TSHR: variants seen among roughly 807,000 people sequenced by gnomAD.
The protein encoded by TSHR is thyrotropin receptor.
In TSHR, 51 loss-of-function variants were observed where a neutral mutation model predicts 64.1. That is an observed-to-expected ratio of 0.80 (90% confidence interval 0.64 to 1.01). The LOEUF (loss-of-function observed/expected upper bound fraction) is 1.01, where lower values mean the gene tolerates loss of function less well. Ranked by LOEUF, TSHR falls within the 50% of genes least tolerant of loss-of-function variation. TSHR has a pLI of 0.00. For synonymous variants in TSHR, 361 were observed against 361.9 expected, an observed-to-expected ratio of 1.00 and a Z score of 0.03; for missense variants, 877 against 942.8, an observed-to-expected ratio of 0.93 and a Z score of 0.91.
chr14:81,060,184 T>C (rs146122437), intron 1 of TSHR, among the ~76,000 whole-genome samples: 3 of 152,304 alleles, frequency 2.0e-5, no homozygotes, highest in African/African-American at 4.8e-5. Flanking sequence ...ACCGTAAGTA[T>C]GCCCACAAAA....
At position 81,116,860 on chromosome 14, in the gene TSHR, A is replaced by G. The variant is rs1198767337; in HGVS notation, c.692+8408A>G. ...TCAGACCACAGTGCAATCAAACTAG[A>G]ACTCAGGATTAAGAATCTCACTCAA... On this transcript the variant is annotated intron_variant, in intron 8 of 9. Transcript: ENST00000298171. Among the ~76,000 whole-genome samples the G allele has an allele frequency of 8.0e-5, 12 of 149,760 alleles. No homozygotes were observed. The East Asian group carries it at 2.4e-3, about 30-fold the overall frequency.
chr14:80,982,677 C>T, intron 1 of TSHR: 3 of 1,061,324 alleles, frequency 2.8e-6, no homozygotes, highest in Non-Finnish European at 3.9e-6. Flanking sequence ...GTAACTCCAG[C>T]AGTATTCGGA....
intron 9 of TSHR, among the ~76,000 whole-genome samples, chr14:81,142,479 A>C (rs76145339): frequency 6.6e-6 from 1 of 152,128 alleles, no homozygotes; most frequent in East Asian, 1.9e-4. Context: ...GGGAGGTCAT[A>C]GGAATGATGT....
chr14:81,037,249 A>G (rs1365602849), intron 1 of TSHR, among the ~76,000 whole-genome samples: 1 of 152,006 alleles, frequency 6.6e-6, no homozygotes, highest in Non-Finnish European at 1.5e-5. Context: ...TAAATTGCCT[A>G]TTATAACTAC....
chr14:81,073,465 A>G (rs1887266975), intron 3 of TSHR, among the ~76,000 whole-genome samples: 1 of 152,176 alleles, frequency 6.6e-6, no homozygotes, highest in African/African-American at 2.4e-5. Flanking sequence ...AAAATTGACC[A>G]CATGTGGGGC....
intron 3 of TSHR, among the ~76,000 whole-genome samples, chr14:81,080,324 C>T (rs117689712): frequency 6.6e-6 from 1 of 152,078 alleles, no homozygotes; most frequent in Non-Finnish European, 1.5e-5. Context: ...TGACTTATGC[C>T]TTATAGTACA....
intron 7 of TSHR, chr14:81,104,782 G>A: frequency 1.0e-6 from 1 of 985,358 alleles, no homozygotes; most frequent in Non-Finnish European, 1.2e-6. Flanking sequence ...TCAGGGCAGG[G>A]CTTCTTAACT....
chr14:81,008,203 C>G (rs1336098499), intron 1 of TSHR, among the ~76,000 whole-genome samples: 1 of 148,714 alleles, frequency 6.7e-6, no homozygotes, highest in Non-Finnish European at 1.5e-5. Flanking sequence ...GATGGAGTCT[C>G]GCTCTGTCAC....
At chr14:81,050,064 T>C (rs986043994) in intron 1 of TSHR, 12 of 152,112 alleles carry the variant, frequency 7.9e-5, no homozygotes, top group Admixed American at 5.2e-4. Flanking sequence ...TAGAAACAAA[T>C]GAAATCAAGT....
At chr14:81,063,219 C>T (rs779248528) in intron 2 of TSHR, among the ~76,000 whole-genome samples, 1 of 151,940 alleles carries the variant, frequency 6.6e-6, no homozygotes, top group Non-Finnish European at 1.5e-5. Flanking sequence ...CTTGATATTG[C>T]TCTCTCATTC....
At chr14:81,008,426 C>A (rs1019683407) in intron 1 of TSHR, among the ~76,000 whole-genome samples, 1 of 152,098 alleles carries the variant, frequency 6.6e-6, no homozygotes, top group African/African-American at 2.4e-5. Context: ...CCCACCTTGG[C>A]CTCCCAAAGT....
chr14:81,109,088 C>A, intron 8 of TSHR: 2 of 818,008 alleles, frequency 2.4e-6, no homozygotes, highest in Non-Finnish European at 3.2e-6. Context: ...AGAATCTCAT[C>A]ATTGAGCATC....
At chr14:81,087,620 C>T (rs2139967253) in intron 3 of TSHR, 1 of 348,662 alleles carries the variant, frequency 2.9e-6, no homozygotes, top group Non-Finnish European at 5.5e-6. Flanking sequence ...TTCAACTCCT[C>T]ACCAAATCAT....
intron 1 of TSHR, among the ~76,000 whole-genome samples, chr14:80,967,875 A>G (rs1887399948): frequency 6.6e-6 from 1 of 152,194 alleles, no homozygotes; most frequent in Non-Finnish European, 1.5e-5. Flanking sequence ...GAAGTGAAGC[A>G]GGGAGAGAGG....
At chr14:81,114,180 G>A in intron 8 of TSHR, among the ~76,000 whole-genome samples, 1 of 150,826 alleles carries the variant, frequency 6.6e-6, no homozygotes, top group Admixed American at 6.6e-5. Flanking sequence ...GAGGAGCCAA[G>A]ATGGCCGAAT....
At chr14:81,141,403 A>G (rs1412069644) in intron 9 of TSHR, among the ~76,000 whole-genome samples, 1 of 152,232 alleles carries the variant, frequency 6.6e-6, no homozygotes, top group African/African-American at 2.4e-5. Flanking sequence ...TCAGCAGCTG[A>G]GGCAAGTTAA....
At chr14:80,973,187 CGAG>C in intron 1 of TSHR, among the ~76,000 whole-genome samples, 1 of 151,978 alleles carries the variant, frequency 6.6e-6, no homozygotes, top group South Asian at 2.1e-4. Context: ...GGGCGGATCA[CGAG>C]GTCAGGAGAT....
chr14:80,987,790 G>T (rs1888543003), intron 1 of TSHR, among the ~76,000 whole-genome samples: 1 of 151,996 alleles, frequency 6.6e-6, no homozygotes, highest in African/African-American at 2.4e-5. Context: ...ACTGACTTCT[G>T]CTGCCTCCAG....
chr14:81,027,006 A>T (rs1329999758), intron 1 of TSHR, among the ~76,000 whole-genome samples: 1 of 150,708 alleles, frequency 6.6e-6, no homozygotes, highest in East Asian at 1.9e-4. Context: ...ACTGCACTCC[A>T]GCCTGGGCAA....
Sources: allele counts gnomAD v4.1 joint callset (sites outside exome capture counted in the v4.1 genomes callset), GRCh38; gene constraint gnomAD v4.1.1; transcripts MANE v1.5; gene names NCBI Gene and HGNC (gene_info 2026-07-23, HGNC 2026-07-21).